Variants in EVC2 observed in about 807,000 individuals in gnomAD.
EVC2 encodes EvC ciliary complex subunit 2, also known as limbin.
A neutral mutation model predicts 149.3 loss-of-function variants in EVC2; 148 were observed. That is an observed-to-expected ratio of 0.99 (90% CI 0.87 to 1.14). The LOEUF (loss-of-function observed/expected upper bound fraction) is 1.14, where lower values mean the gene tolerates loss of function less well. EVC2 is among the 50% of genes most tolerant of loss of function. The probability of loss-of-function intolerance (pLI) is 0.00; values close to 1 mark genes in which losing one functional copy is unlikely to be tolerated. For synonymous variants in EVC2, 776 were observed against 649.9 expected (o/e 1.19, Z -2.95); for missense variants, 1,854 against 1,627.3 (o/e 1.14, Z -2.40).
Position 5,670,480 on chromosome 4 carries a change from CCCACCATCACCATCA to C in EVC2, c.871-4846_871-4832del, listed in dbSNP as rs944575657. On this transcript the variant is annotated intron_variant, in intron 7 of 21. Coordinates refer to ENST00000344408, the MANE Select transcript of EVC2 (RefSeq NM_147127.5). This position sits in a 1 kb window ranked among gnomAD's most constrained non-coding sequence, Gnocchi z 5.2. Reference sequence around the variant, plus strand: ...CACCATCAAATTCATCATCACCATCCCCACCATCACCATCACCACCATCACCATCGCCACCACGAT... The same window carrying C: ...CACCATCAAATTCATCATCACCATCCCCACCATCACCATCGCCACCACGAT... Among the ~76,000 whole-genome samples the C allele has an allele frequency of 1.3e-5, 2 of 150,544 alleles. No individual in the cohort carries two copies. Among genetic ancestry groups the C allele is most frequent in the African/African-American group, 4.9e-5 (2 of 40,830 alleles).
In EVC2 at chr4:5,549,313, T is replaced by C. The variant is rs560557117; in HGVS notation, c.3420-6101A>G. On this transcript the variant is annotated intron_variant and NMD_transcript_variant, in intron 21 of 22. Transcript: ENST00000475313. Reference sequence around the variant, plus strand: ...CCCTGCAATAATTGTAAGATGAGGATTGTTTCATATCCTCCTTCGACAGGG... The same window carrying C: ...CCCTGCAATAATTGTAAGATGAGGACTGTTTCATATCCTCCTTCGACAGGG... 4.6e-5 allele frequency among the ~76,000 whole-genome samples: 7 copies of C among 152,254 alleles called. No homozygotes were observed. In the South Asian group the frequency reaches 1.4e-3, roughly 32 times the overall value.
rs1717231023 is a variant in EVC2, at chr4:5,640,391, T to C, written c.1470+123A>G. 1.8e-6 allele frequency: 2 copies of C among 1,087,084 alleles called. No homozygotes were observed. Among genetic ancestry groups the C allele is most frequent in the Non-Finnish European group, 2.8e-6 (2 of 705,048 alleles). 67.3% of individuals were successfully genotyped at this position (1,087,084 alleles called of 1,614,324 possible). On this transcript the variant is annotated intron_variant, in intron 10 of 21. Coordinates refer to ENST00000344408, the MANE Select transcript of EVC2 (RefSeq NM_147127.5). This position sits in a 1 kb window ranked among gnomAD's most constrained non-coding sequence, Gnocchi z 4.6. ...AAGGATGAATAGATGAATGAGTGGG[T>C]GGTTGGATGGATGATGGGTAGACGG...
intron 20 of EVC2, 125 bp from the exon 21 acceptor site, chr4:5,565,484 A>G (rs1722220570): frequency 1.3e-6 from 1 of 768,392 alleles, no homozygotes; most frequent in Non-Finnish European, 2.2e-6. Flanking sequence ...CAGCCTGGCC[A>G]ACATGGTGAA....
At chr4:5,536,090 C>T in the EVC2 span, among the ~76,000 whole-genome samples, 1 of 152,116 alleles carries the variant, frequency 6.6e-6, no homozygotes, top group South Asian at 2.1e-4. Context: ...TCACTACAAC[C>T]AGCACTTTAA....
At chr4:5,653,882 G>A (rs1335149526) in intron 9 of EVC2, among the ~76,000 whole-genome samples, 1 of 152,196 alleles carries the variant, frequency 6.6e-6, no homozygotes, top group Non-Finnish European at 1.5e-5. Flanking sequence ...GCGCTGAGAT[G>A]CCAAGAATCT....
At chr4:5,651,243 G>GCAT (rs1718122209) in intron 9 of EVC2, among the ~76,000 whole-genome samples, 2 of 92,590 alleles carry the variant, frequency 2.2e-5, no homozygotes, top group African/African-American at 9.2e-5. Flanking sequence ...GATGAAGTAT[G>GCAT]GATGATAGAT....
intron 16 of EVC2, among the ~76,000 whole-genome samples, chr4:5,597,642 C>G (rs1003371168): frequency 6.7e-6 from 1 of 149,392 alleles, no homozygotes; most frequent in Non-Finnish European, 1.5e-5. Context: ...GAAACATTCC[C>G]TTTGAAAACT....
chr4:5,651,048 A>T (rs1014922065), intron 9 of EVC2, among the ~76,000 whole-genome samples: 3 of 152,134 alleles, frequency 2.0e-5, no homozygotes, highest in African/African-American at 7.2e-5. Flanking sequence ...GGATGGCTGC[A>T]TGGGTGAATG....
At chr4:5,647,239 C>G (rs10470720) in intron 9 of EVC2, among the ~76,000 whole-genome samples, 1 of 152,118 alleles carries the variant, frequency 6.6e-6, no homozygotes, top group Non-Finnish European at 1.5e-5. Flanking sequence ...GTAGATGAGG[C>G]CACGTGTGCC....
chr4:5,586,160 C>A (rs1712257588), intron 16 of EVC2, among the ~76,000 whole-genome samples: 1 of 152,170 alleles, frequency 6.6e-6, no homozygotes, highest in African/African-American at 2.4e-5. Flanking sequence ...CCATGCCCGA[C>A]CTGTCTAGCT....
At chr4:5,536,638 G>C in the EVC2 span, among the ~76,000 whole-genome samples, 1 of 152,032 alleles carries the variant, frequency 6.6e-6, no homozygotes, top group Non-Finnish European at 1.5e-5. Context: ...CAAAAAATTA[G>C]CTGGGCATGG....
intron 12 of EVC2, 102 bp downstream of exon 12, chr4:5,628,457 A>G: frequency 2.8e-6 from 4 of 1,445,244 alleles, no homozygotes; most frequent in Non-Finnish European, 2.9e-6. Context: ...TGAACCAAAT[A>G]TATCTCTTCT....
rs781487000 is a variant in EVC2, at chr4:5,628,633, T to C, written c.1812A>G (p.Ser604=). 5.0e-6 allele frequency: 8 copies of C among 1,614,082 alleles called. No homozygotes were observed. The highest frequency in any genetic ancestry group is 3.3e-5 in the South Asian group (3 of 91,072). The change falls in exon 12 of 22, where the codon TCA becomes TCG. Residue 604 remains serine, a synonymous_variant. Coordinates refer to ENST00000344408, the MANE Select transcript of EVC2 (RefSeq NM_147127.5). ...HREYLVQNLQ[S]SETRVQGLLS... is the part of the protein sequence containing the mutation. ...GAAGGCCCTGCACACGGGTCTCTGA[T>C]GACTGGAGGTTCTGGACCAGATATT... is the stretch of plus-strand genomic sequence containing the variant.
intron 7 of EVC2, among the ~76,000 whole-genome samples, chr4:5,667,039 T>G (rs1470675293): frequency 6.6e-6 from 1 of 152,154 alleles, no homozygotes; most frequent in African/African-American, 2.4e-5. Flanking sequence ...TCTGGGTGCT[T>G]TTTAAGATTT....
At chr4:5,593,050 T>C (rs943047685) in intron 16 of EVC2, among the ~76,000 whole-genome samples, 2 of 152,228 alleles carry the variant, frequency 1.3e-5, no homozygotes, top group African/African-American at 4.8e-5. Flanking sequence ...GCAATTCTCC[T>C]TGCTGCTGCC....
chr4:5,593,844 G>A (rs1445623418), intron 16 of EVC2, among the ~76,000 whole-genome samples: 1 of 152,154 alleles, frequency 6.6e-6, no homozygotes, highest in Non-Finnish European at 1.5e-5. Context: ...GATGGCACCT[G>A]GAAAATTGGG....
chr4:5,632,093 A>G, intron 10 of EVC2, 61 bp from the exon 11 acceptor site: 2 of 1,603,878 alleles, frequency 1.2e-6, no homozygotes, highest in South Asian at 1.1e-5. Context: ...CTACATGTGC[A>G]TGCAATGCAA....
intron 9 of EVC2, among the ~76,000 whole-genome samples, chr4:5,641,195 A>C (rs1439668195): frequency 6.6e-6 from 1 of 152,246 alleles, no homozygotes; most frequent in Non-Finnish European, 1.5e-5. Context: ...TCCCATTAAA[A>C]ATCAATTTAT....
chr4:5,578,047 G>T (rs1723039278), intron 17 of EVC2, among the ~76,000 whole-genome samples: 1 of 152,172 alleles, frequency 6.6e-6, no homozygotes, highest in Admixed American at 6.5e-5. Context: ...AATAGAGGTG[G>T]AAATGTGTCC....
Sources: allele counts gnomAD v4.1 joint callset (sites outside exome capture counted in the v4.1 genomes callset), GRCh38; gene constraint gnomAD v4.1.1; non-coding constraint Gnocchi (gnomAD v3.1); transcripts MANE v1.5; gene names NCBI Gene and HGNC (gene_info 2026-07-23, HGNC 2026-07-21).